The following SLC2A13 variants were observed in gnomAD, a reference collection of about 807,000 sequenced individuals.
The protein encoded by SLC2A13 is proton myo-inositol cotransporter.
SLC2A13 carries 32 observed loss-of-function variants against 64.4 expected under a neutral mutation model. The ratio of observed to expected loss-of-function variants is 0.50; its 90% CI spans 0.37 to 0.67. The LOEUF is 0.67. Ranked by LOEUF, SLC2A13 falls within the 30% of genes least tolerant of loss-of-function variation. The pLI, the probability that SLC2A13 is intolerant of heterozygous loss-of-function variation, is 0.00. For missense variants in SLC2A13, 743 were observed against 829.2 expected (o/e 0.90, Z 1.28); for synonymous variants, 338 against 327.1 (o/e 1.03, Z -0.36).
intron 4 of SLC2A13, among the ~76,000 whole-genome samples, chr12:39,883,361 A>G (rs777516453): frequency 6.6e-6 from 1 of 152,160 alleles, no homozygotes; most frequent in Non-Finnish European, 1.5e-5. Flanking sequence ...AGGTGCCCTC[A>G]TGGCTGGAGA....
intron 4 of SLC2A13, among the ~76,000 whole-genome samples, chr12:39,920,189 G>A (rs892682585): frequency 6.6e-6 from 1 of 152,066 alleles, no homozygotes; most frequent in Non-Finnish European, 1.5e-5. Flanking sequence ...GTATGTATAT[G>A]TGTATGTGTG....
At chr12:39,833,353 A>G (rs2091888599) in intron 6 of SLC2A13, among the ~76,000 whole-genome samples, 1 of 151,970 alleles carries the variant, frequency 6.6e-6, no homozygotes. Flanking sequence ...CCCTTTTTTT[A>G]AATTCCCTAA....
intron 1 of SLC2A13, among the ~76,000 whole-genome samples, chr12:40,102,636 A>G (rs1208295642): frequency 6.6e-6 from 1 of 152,206 alleles, no homozygotes; most frequent in East Asian, 1.9e-4. Flanking sequence ...TTATTCATCA[A>G]CATTTCCTAA....
chr12:39,995,384 C>T (rs970190829), intron 3 of SLC2A13, among the ~76,000 whole-genome samples: 1 of 152,038 alleles, frequency 6.6e-6, no homozygotes, highest in African/African-American at 2.4e-5. Flanking sequence ...ACACTTTATT[C>T]CTTCCACCTC....
At chr12:40,072,243 C>T (rs1937988296) in intron 1 of SLC2A13, among the ~76,000 whole-genome samples, 1 of 152,026 alleles carries the variant, frequency 6.6e-6, no homozygotes, top group South Asian at 2.1e-4. Flanking sequence ...TGTTTAATTC[C>T]ATTGTAGCCT....
At chr12:40,094,960 G>C (rs1239686014) in intron 1 of SLC2A13, among the ~76,000 whole-genome samples, 1 of 152,198 alleles carries the variant, frequency 6.6e-6, no homozygotes, top group African/African-American at 2.4e-5. Context: ...AGGAACAGCT[G>C]AGGAAACCCA....
chr12:39,927,483 T>G (rs1315128920), intron 4 of SLC2A13, among the ~76,000 whole-genome samples: 4 of 152,134 alleles, frequency 2.6e-5, no homozygotes, highest in African/African-American at 9.7e-5. Context: ...ATACAAGTAG[T>G]TCAGGATTTC....
chr12:39,923,751 T>C (rs17127268), intron 4 of SLC2A13, among the ~76,000 whole-genome samples: 3,412 of 148,696 alleles, frequency 0.023, 132 homozygotes, highest in African/African-American at 0.08. Context: ...AAAAAATTTT[T>C]CAGAAAAGAA....
chr12:39,982,721 AG>A (rs1233888544), intron 3 of SLC2A13, among the ~76,000 whole-genome samples: 3 of 149,370 alleles, frequency 2.0e-5, no homozygotes, highest in Non-Finnish European at 4.5e-5. Context: ...ATGGGTAGGA[AG>A]AATCAATATC....
chr12:40,099,925 C>G (rs1420026885), intron 1 of SLC2A13, among the ~76,000 whole-genome samples: 1 of 152,048 alleles, frequency 6.6e-6, no homozygotes, highest in East Asian at 1.9e-4. Context: ...TGAGCACCTC[C>G]CCCCAAAACT....
intron 3 of SLC2A13, among the ~76,000 whole-genome samples, chr12:40,001,975 G>A (rs957453141): frequency 6.6e-6 from 1 of 152,086 alleles, no homozygotes; most frequent in Non-Finnish European, 1.5e-5. Flanking sequence ...ATTTAACCTA[G>A]CAAATAGATG....
intron 7 of SLC2A13, among the ~76,000 whole-genome samples, chr12:39,799,027 C>T (rs1440787587): frequency 6.7e-6 from 1 of 150,120 alleles, no homozygotes; most frequent in Non-Finnish European, 1.5e-5. Flanking sequence ...ATTATCCCCA[C>T]TTCAGATAAT....
chr12:39,882,109 T>C (rs1465227938), intron 4 of SLC2A13, among the ~76,000 whole-genome samples: 1 of 152,216 alleles, frequency 6.6e-6, no homozygotes, highest in East Asian at 1.9e-4. Context: ...GCTTCTTTTT[T>C]ATTATCCATC....
intron 3 of SLC2A13, among the ~76,000 whole-genome samples, chr12:39,997,392 G>A (rs1336686953): frequency 6.6e-6 from 1 of 152,050 alleles, no homozygotes; most frequent in East Asian, 1.9e-4. Flanking sequence ...AACTCAAGAT[G>A]GATTAAGGAC....
intron 3 of SLC2A13, among the ~76,000 whole-genome samples, chr12:39,966,867 T>TA (rs1946527015): frequency 6.6e-6 from 1 of 152,178 alleles, no homozygotes; most frequent in African/African-American, 2.4e-5. Context: ...TGTTTTTCAT[T>TA]AGGCTGATTC....
At chr12:40,071,745 T>C (rs911627399) in intron 1 of SLC2A13, among the ~76,000 whole-genome samples, 1 of 152,164 alleles carries the variant, frequency 6.6e-6, no homozygotes, top group Admixed American at 6.5e-5. Context: ...TATTCCTTTG[T>C]CATTTTTAAT....
intron 1 of SLC2A13, among the ~76,000 whole-genome samples, chr12:40,082,812 C>T (rs11175106): frequency 0.098 from 14,984 of 152,160 alleles, 895 homozygotes; most frequent in East Asian, 0.2. Context: ...AGGTCTGTAA[C>T]GAGAGTGGGC....
At chr12:39,826,955 T>C (rs542863438) in intron 7 of SLC2A13, among the ~76,000 whole-genome samples, 3 of 145,690 alleles carry the variant, frequency 2.1e-5, no homozygotes, top group Admixed American at 7.1e-5. Context: ...GTGTCGTTTC[T>C]ATTAGGTTGG....
At chr12:39,800,147 TG>T (rs1173126903) in intron 7 of SLC2A13, among the ~76,000 whole-genome samples, 6 of 152,314 alleles carry the variant, frequency 3.9e-5, no homozygotes, top group African/African-American at 1.4e-4. Flanking sequence ...GCTTCCCAAA[TG>T]GGTAATATAA....
Sources: gnomAD v4.1 joint callset for allele counts (sites outside exome capture counted in the v4.1 genomes callset) on GRCh38, gnomAD v4.1.1 for gene constraint, MANE v1.5 for transcripts, NCBI Gene and HGNC (gene_info 2026-07-23, HGNC 2026-07-21) for gene names.